The following SLC44A5 variants were observed in gnomAD, a reference collection of about 807,000 sequenced individuals.
SLC44A5 encodes choline transporter-like protein 5.
A neutral mutation model predicts 101.8 loss-of-function variants in SLC44A5; 57 were observed. That is an observed-to-expected ratio of 0.56 (90% CI 0.45 to 0.70). The LOEUF (loss-of-function observed/expected upper bound fraction) is 0.70, where lower values mean the gene tolerates loss of function less well. Among genes scored for constraint, SLC44A5 ranks in the 30% least tolerant of loss-of-function variants. The pLI is 0.00. For missense variants in SLC44A5, 737 were observed against 853.1 expected (o/e 0.86, Z 1.70); for synonymous variants, 281 against 290.9 (o/e 0.97, Z 0.35).
the SLC44A5 span, among the ~76,000 whole-genome samples, chr1:75,619,561 C>T: frequency 2.0e-5 from 3 of 151,888 alleles, no homozygotes; most frequent in South Asian, 6.3e-4. Context: ...ATTAAAAAAA[C>T]AAAAACACAA....
At chr1:75,609,899 T>C (rs1402121296) in intron 1 of SLC44A5, among the ~76,000 whole-genome samples, 1 of 152,052 alleles carries the variant, frequency 6.6e-6, no homozygotes, top group African/African-American at 2.4e-5. Flanking sequence ...TTATATCTTA[T>C]GGTTTCTGTG....
the SLC44A5 span, among the ~76,000 whole-genome samples, chr1:75,685,009 C>G: frequency 0.016 from 2,391 of 152,276 alleles, 72 homozygotes; most frequent in African/African-American, 0.053. Context: ...CCTCTGAAAT[C>G]GAGGCAGAGC....
At chr1:75,327,032 A>G (rs1277126510) in intron 4 of SLC44A5, among the ~76,000 whole-genome samples, 1 of 152,104 alleles carries the variant, frequency 6.6e-6, no homozygotes, top group Non-Finnish European at 1.5e-5. Context: ...TTTTACTTTA[A>G]ACTTTGAGTT....
intron 3 of SLC44A5, among the ~76,000 whole-genome samples, chr1:75,352,738 G>A (rs1658780389): frequency 6.6e-6 from 1 of 152,062 alleles, no homozygotes; most frequent in African/African-American, 2.4e-5. Flanking sequence ...CCCTATAAAA[G>A]AACAATTTCA....
At chr1:75,216,619 T>G (rs1201086982) in intron 18 of SLC44A5, among the ~76,000 whole-genome samples, 1 of 152,004 alleles carries the variant, frequency 6.6e-6, no homozygotes, top group Non-Finnish European at 1.5e-5. Context: ...TTTCTGCTTT[T>G]TTCTTTGTTT....
intron 2 of SLC44A5, among the ~76,000 whole-genome samples, chr1:75,491,496 G>A (rs1668423019): frequency 6.6e-6 from 1 of 151,984 alleles, no homozygotes; most frequent in African/African-American, 2.4e-5. Context: ...CAGAAGAAGG[G>A]GAGCAGTATA....
At chr1:75,237,827 A>G (rs1570438255) in intron 10 of SLC44A5, among the ~76,000 whole-genome samples, 1 of 152,100 alleles carries the variant, frequency 6.6e-6, no homozygotes, top group East Asian at 1.9e-4. Flanking sequence ...ACACTGTACT[A>G]ATTATACTCC....
At chr1:75,482,172 A>G (rs553753059) in intron 2 of SLC44A5, among the ~76,000 whole-genome samples, 47 of 151,976 alleles carry the variant, frequency 3.1e-4, no homozygotes, top group Non-Finnish European at 5.3e-4. Context: ...TCACAAGGAT[A>G]AAAAACCAAA....
chr1:75,204,979 A>G (rs954682528), intron 23 of SLC44A5: 2 of 152,216 alleles, frequency 1.3e-5, no homozygotes, highest in African/African-American at 2.4e-5. Context: ...GTTGAATAAT[A>G]AAAGACTAAT....
At chr1:75,515,484 A>G (rs1221132764) in intron 2 of SLC44A5, among the ~76,000 whole-genome samples, 2 of 152,132 alleles carry the variant, frequency 1.3e-5, no homozygotes, top group East Asian at 3.9e-4. Context: ...CGCTTCTGTT[A>G]GTTCAACTGT....
intron 5 of SLC44A5, among the ~76,000 whole-genome samples, chr1:75,297,492 C>G (rs1238095852): frequency 1.3e-5 from 2 of 152,040 alleles, no homozygotes; most frequent in African/African-American, 4.8e-5. Context: ...GCCATGTTGC[C>G]CAGGCTGGTC....
intron 2 of SLC44A5, among the ~76,000 whole-genome samples, chr1:75,508,274 G>T (rs1488718633): frequency 6.6e-6 from 1 of 151,968 alleles, no homozygotes; most frequent in Admixed American, 6.6e-5. Flanking sequence ...ATAAAATTAA[G>T]GCAGAAACAA....
the SLC44A5 span, among the ~76,000 whole-genome samples, chr1:75,630,673 T>C: frequency 2.6e-5 from 4 of 152,240 alleles, no homozygotes; most frequent in South Asian, 8.3e-4. Flanking sequence ...ACAACTTGGC[T>C]TCTACAGAAG....
At chr1:75,260,112 T>C (rs1650363843) in intron 6 of SLC44A5, among the ~76,000 whole-genome samples, 4 of 152,128 alleles carry the variant, frequency 2.6e-5, no homozygotes, top group Admixed American at 2.6e-4. Context: ...AGGAAGAAAC[T>C]GCATCAACTA....
intron 2 of SLC44A5, among the ~76,000 whole-genome samples, chr1:75,400,630 T>C (rs1168944797): frequency 6.6e-6 from 1 of 152,192 alleles, no homozygotes; most frequent in East Asian, 1.9e-4. Flanking sequence ...TCACCCCCTG[T>C]GTTGGGCTCA....
At chr1:75,398,971 T>C (rs1662304559) in intron 2 of SLC44A5, among the ~76,000 whole-genome samples, 1 of 151,890 alleles carries the variant, frequency 6.6e-6, no homozygotes, top group Non-Finnish European at 1.5e-5. Flanking sequence ...AGAATGAAGT[T>C]TCAGACTAGG....
intron 8 of SLC44A5, among the ~76,000 whole-genome samples, chr1:75,242,448 C>T (rs1302392319): frequency 2.0e-5 from 3 of 151,770 alleles, no homozygotes; most frequent in South Asian, 2.1e-4. Flanking sequence ...AATTCTCTTA[C>T]GTATCTCAAA....
upstream of SLC44A5, among the ~76,000 whole-genome samples, chr1:75,613,512 G>A (rs909943804): frequency 3.9e-5 from 6 of 152,278 alleles, no homozygotes; most frequent in Non-Finnish European, 7.4e-5. Context: ...AAACTCCAAG[G>A]ATTTGTTTTT....
chr1:75,349,219 G>A (rs1319653366), intron 3 of SLC44A5, among the ~76,000 whole-genome samples: 1 of 152,082 alleles, frequency 6.6e-6, no homozygotes, highest in Non-Finnish European at 1.5e-5. Flanking sequence ...CACACCTGTA[G>A]TCCCAGCGGC....
Sources: allele counts gnomAD v4.1 joint callset (sites outside exome capture counted in the v4.1 genomes callset), GRCh38; gene constraint gnomAD v4.1.1; transcripts MANE v1.5; gene names NCBI Gene and HGNC (gene_info 2026-07-23, HGNC 2026-07-21).